TMC1: variants seen among roughly 807,000 people sequenced by gnomAD.
TMC1 encodes the protein transmembrane channel like 1, also known as transmembrane channel-like protein 1.
A neutral mutation model predicts 105.8 loss-of-function variants in TMC1; 84 were observed. The ratio of observed to expected loss-of-function variants is 0.79; its 90% confidence interval spans 0.67 to 0.95. The LOEUF (loss-of-function observed/expected upper bound fraction) is 0.95, where lower values mean the gene tolerates loss of function less well. TMC1 is among the 40% of genes least tolerant of loss of function. TMC1 has a pLI of 0.00. For missense variants in TMC1, 817 were observed against 914.1 expected, an observed-to-expected ratio of 0.89 and a Z score of 1.37; for synonymous variants, 315 against 311.5, an observed-to-expected ratio of 1.01 and a Z score of -0.12.
rs1055219624 is a variant in TMC1, at chr9:72,772,352, A to G, written c.742-61A>G. The G allele has an allele frequency of 4.0e-5, 65 of 1,607,178 alleles. No individual in the cohort carries two copies. In the Admixed American group the frequency reaches 1.1e-3, roughly 26 times the overall value. On this transcript the variant is annotated intron_variant, in intron 12 of 23. Transcript: ENST00000297784. ...ATTTTGTTATTTCTCTTAAGAGTTGATCTTTTCCTTTGAGTTGCTCTTCAC... is the reference window on the plus strand; with the variant it reads ...ATTTTGTTATTTCTCTTAAGAGTTGGTCTTTTCCTTTGAGTTGCTCTTCAC...
intron 1 of TMC1, among the ~76,000 whole-genome samples, chr9:72,547,094 C>G (rs1045297973): frequency 5.3e-5 from 8 of 152,156 alleles, no homozygotes; most frequent in Non-Finnish European, 1.0e-4. Context: ...TGAGACCAGC[C>G]TGGCCAACAT....
rs1173207035 is a variant in TMC1, at chr9:72,649,059, G to A, written c.16+395G>A. Among the ~76,000 whole-genome samples, 5 of 152,176 alleles carry A rather than the reference G, an allele frequency of 3.3e-5. No individual in the cohort carries two copies. The South Asian group carries it at 6.2e-4, about 19-fold the overall frequency. ...TTGAAAGGGGATGTGTTCTGCTTCC[G>A]TTTATGAGTTAAGCAAAGTTCTAAA... On this transcript the variant is annotated intron_variant, in intron 5 of 23. Coordinates refer to ENST00000297784, the MANE Select transcript of TMC1 (RefSeq NM_138691.3).
At chr9:72,762,440 T>C (rs1827771746) in intron 12 of TMC1, among the ~76,000 whole-genome samples, 1 of 152,194 alleles carries the variant, frequency 6.6e-6, no homozygotes, top group African/African-American at 2.4e-5. Flanking sequence ...TAGCTGTTCA[T>C]ATTGCTGTTG....
intron 12 of TMC1, among the ~76,000 whole-genome samples, chr9:72,761,984 T>TGTTA (rs1051960413): frequency 8.1e-4 from 123 of 152,306 alleles, no homozygotes; most frequent in African/African-American, 2.3e-3. Context: ...ATCAAAATTA[T>TGTTA]GTTACATGCA....
intron 4 of TMC1, among the ~76,000 whole-genome samples, chr9:72,638,728 C>T (rs983563146): frequency 1.3e-5 from 2 of 152,130 alleles, no homozygotes; most frequent in African/African-American, 4.8e-5. Context: ...AGTCATCTCC[C>T]ATGGAGAGGG....
intron 5 of TMC1, among the ~76,000 whole-genome samples, chr9:72,665,913 A>G (rs1188402026): frequency 6.6e-6 from 1 of 152,178 alleles, no homozygotes; most frequent in Non-Finnish European, 1.5e-5. Flanking sequence ...AAGAAGAATG[A>G]CCTGCATGAT....
At position 72,650,406 on chromosome 9, in the gene TMC1, G is replaced by A. The variant is rs1163855879; in HGVS notation, c.16+1742G>A. On this transcript the variant is annotated intron_variant, in intron 5 of 23. Coordinates refer to ENST00000297784, the MANE Select transcript of TMC1 (RefSeq NM_138691.3). Reference sequence around the variant, plus strand: ...CAGGTTCTGTACAATGTTCAGTGATGCGTCACTGTGATGACTAGAGGTAAA... The same window carrying A: ...CAGGTTCTGTACAATGTTCAGTGATACGTCACTGTGATGACTAGAGGTAAA... Among the ~76,000 whole-genome samples, 6 of 152,114 alleles carry A rather than the reference G, an allele frequency of 3.9e-5. No individual in the cohort carries two copies. In the South Asian group the frequency reaches 8.3e-4, roughly 21 times the overall value.
intron 13 of TMC1, among the ~76,000 whole-genome samples, chr9:72,774,363 T>C (rs1827976337): frequency 6.6e-6 from 1 of 152,182 alleles, no homozygotes; most frequent in Non-Finnish European, 1.5e-5. Flanking sequence ...AGTATTATCA[T>C]TTTAACGAAC....
intron 18 of TMC1, among the ~76,000 whole-genome samples, chr9:72,811,513 C>T (rs982938639): frequency 6.6e-6 from 1 of 152,068 alleles, no homozygotes; most frequent in Non-Finnish European, 1.5e-5. Flanking sequence ...TTTGGGTTTT[C>T]TTTGGCAGTT....
intron 1 of TMC1, among the ~76,000 whole-genome samples, chr9:72,558,740 T>C (rs1193863529): frequency 6.6e-6 from 1 of 152,176 alleles, no homozygotes; most frequent in Non-Finnish European, 1.5e-5. Context: ...TTTACAAATA[T>C]AAAAATGTAC....
At chr9:72,703,811 T>C (rs1826684691) in intron 8 of TMC1, among the ~76,000 whole-genome samples, 1 of 152,240 alleles carries the variant, frequency 6.6e-6, no homozygotes, top group African/African-American at 2.4e-5. Context: ...GGTGATGATT[T>C]TCCATGGCCA....
chr9:72,573,812 TA>T (rs1478462727), intron 1 of TMC1, among the ~76,000 whole-genome samples: 1 of 152,192 alleles, frequency 6.6e-6, no homozygotes. Flanking sequence ...TATTTTAGGT[TA>T]GGGGGTACAT....
intron 2 of TMC1, among the ~76,000 whole-genome samples, chr9:72,611,804 TAGAGA>T (rs2132120289): frequency 6.6e-6 from 1 of 152,314 alleles, no homozygotes; most frequent in Admixed American, 6.5e-5. Flanking sequence ...AATCGTGGAT[TAGAGA>T]AAAGACCACC....
chr9:72,811,858 T>C (rs1828711348), intron 18 of TMC1, among the ~76,000 whole-genome samples: 1 of 152,242 alleles, frequency 6.6e-6, no homozygotes, highest in Non-Finnish European at 1.5e-5. Context: ...CATCTCAATG[T>C]ACTGCTTATT....
At chr9:72,655,741 CAAAA>C (rs34249073) in intron 5 of TMC1, 1 of 386,326 alleles carries the variant, frequency 2.6e-6, no homozygotes, top group Non-Finnish European at 4.8e-6. Flanking sequence ...GAATCCGTAT[CAAAA>C]AAAAAAAATC....
chr9:72,766,695 C>T lies in TMC1; in HGVS notation c.742-5718C>T, dbSNP rs142373839. 4.1e-3 allele frequency among the ~76,000 whole-genome samples: 631 copies of T among 152,238 alleles called. 8 individuals are homozygous for T. Among genetic ancestry groups the T allele is most frequent in the Non-Finnish European group, 6.3e-3 (426 of 68,024 alleles). On this transcript the variant is annotated intron_variant, in intron 12 of 23. Coordinates refer to ENST00000297784, the MANE Select transcript of TMC1 (RefSeq NM_138691.3). ...TCACAGCTGCTTGAGGGGCAGAGAT[C>T]ACTGTCTACAGTCCTTAACACAACT...
intron 21 of TMC1, among the ~76,000 whole-genome samples, chr9:72,829,377 C>T (rs1829006836): frequency 6.6e-6 from 1 of 152,138 alleles, no homozygotes; most frequent in Non-Finnish European, 1.5e-5. Flanking sequence ...ACGTGCATTA[C>T]AAGGTAGAAA....
chr9:72,564,635 A>G (rs1051447252), intron 1 of TMC1, among the ~76,000 whole-genome samples: 13 of 152,234 alleles, frequency 8.5e-5, no homozygotes, highest in Non-Finnish European at 1.3e-4. Flanking sequence ...TCCATCCAAG[A>G]CAAAACCACA....
intron 2 of TMC1, among the ~76,000 whole-genome samples, chr9:72,594,171 G>A (rs1453616660): frequency 6.6e-6 from 1 of 152,112 alleles, no homozygotes; most frequent in African/African-American, 2.4e-5. Flanking sequence ...TTACATGTAC[G>A]CGGAGACCCT....
Sources: gnomAD v4.1 joint callset for allele counts (sites outside exome capture counted in the v4.1 genomes callset) on GRCh38, gnomAD v4.1.1 for gene constraint, MANE v1.5 for transcripts, NCBI Gene and HGNC (gene_info 2026-07-23, HGNC 2026-07-21) for gene names.